The following STING1 variants were observed in gnomAD, a reference collection of about 807,000 sequenced individuals.
The protein encoded by STING1 is stimulator of interferon response cGAMP interactor 1.
In STING1, 19 loss-of-function variants were observed where a neutral mutation model predicts 31.6. The observed-to-expected ratio is 0.60, with a 90% CI of 0.42 to 0.88. The LOEUF is 0.88. Among genes scored for constraint, STING1 ranks in the 40% least tolerant of loss-of-function variants. STING1 has a pLI of 0.00. For missense variants in STING1, 371 were observed against 483.7 expected, an observed-to-expected ratio of 0.77 and a Z score of 2.19; for synonymous variants, 200 against 208.6, an observed-to-expected ratio of 0.96 and a Z score of 0.35.
chr5:139,477,062 C>T (rs1353144817), intron 7 of STING1, among the ~76,000 whole-genome samples: 1 of 152,190 alleles, frequency 6.6e-6, no homozygotes, highest in East Asian at 1.9e-4. Flanking sequence ...CCAGTACATA[C>T]TGGCCTGGGA....
rs1192578610 is a variant in STING1 at position 139,481,265 on chromosome 5, G to C, written c.305C>G (p.Ser102Cys). The change falls in exon 4 of 8, where the codon TCC becomes TGC. Residue 102 changes from serine (S) to cysteine (C), a missense_variant. By Grantham distance (112) the Ser-to-Cys change is moderately radical. Transcript: ENST00000330794. This position sits in a 1 kb window ranked among gnomAD's most constrained non-coding sequence, Gnocchi z 4.1. Reference sequence around the variant, plus strand: ...TGGGAGGGAGTAGTAGAAATAGATGGACAGCAGCAACAGGGCCCCACGGCG... The same window carrying C: ...TGGGAGGGAGTAGTAGAAATAGATGCACAGCAGCAACAGGGCCCCACGGCG... ...PLRRGALLLL[S>C]IYFYYSLPNA... The C allele has an allele frequency of 6.2e-7, 1 of 1,614,060 alleles. No individual in the cohort carries two copies. The highest frequency in any genetic ancestry group is 8.5e-7 in the Non-Finnish European group (1 of 1,179,968).
intron 5 of STING1, chr5:139,479,188 C>T (rs1751755038): frequency 6.6e-6 from 1 of 151,900 alleles, no homozygotes; most frequent in East Asian, 1.9e-4. Flanking sequence ...GAGATCTTGT[C>T]ACCACTGTAC....
Position 139,478,282 on chromosome 5 carries a change from C to A in STING1, c.747G>T (p.Glu249Asp), listed in dbSNP as rs761102285. Residue 249 changes from glutamate (E) to aspartate (D), a missense_variant, in exon 6 of 8, where the codon GAG becomes GAT. By Grantham distance (45) the Glu-to-Asp change is conservative. Coordinates refer to ENST00000330794, the MANE Select transcript of STING1 (RefSeq NM_198282.4). ...VYSNSIYELL[E>D]NGQRAGTCVL... ...CCTGCACACTTACCCGCTGCCCGTT[C>A]TCCAGAAGCTCATAGATGCTGTTGC... 1 of 1,613,326 alleles carries A rather than the reference C, an allele frequency of 6.2e-7. No homozygotes were observed. Among genetic ancestry groups the A allele is most frequent in the Non-Finnish European group, 8.5e-7 (1 of 1,179,434 alleles).
rs749761756 is a variant in STING1, at chr5:139,476,317, C to T, written c.1084G>A (p.Glu362Lys). The T allele has an allele frequency of 4.3e-6, 7 of 1,611,080 alleles. No individual in the cohort carries two copies. Among genetic ancestry groups the T allele is most frequent in the Admixed American group, 3.3e-5 (2 of 59,786 alleles). Reference sequence around the variant, plus strand: ...TTTTCCATTCCACTGATGAGGAGCTCAGGCTCTTGGGACATCGTGGAGGTA... The same window carrying T: ...TTTTCCATTCCACTGATGAGGAGCTTAGGCTCTTGGGACATCGTGGAGGTA... The part of the protein sequence containing the change: ...PSTSTMSQEP[E>K]LLISGMEKPL... The change falls in exon 8 of 8, where the codon GAG becomes AAG. Residue 362 changes from glutamate to lysine, a missense_variant. Glu to Lys is a moderately conservative substitution (Grantham distance 56, BLOSUM62 1). Transcript: ENST00000330794.
rs894230225 is a variant in STING1 at position 139,478,267 on chromosome 5, T to C, written c.759+3A>G. On this transcript the variant is annotated splice_donor_region_variant and intron_variant, in intron 6 of 7. Coordinates refer to ENST00000330794, the MANE Select transcript of STING1 (RefSeq NM_198282.4). ...AGAGACCCCCACTCCCCTGCACACTTACCCGCTGCCCGTTCTCCAGAAGCT... is the reference window on the plus strand; with the variant it reads ...AGAGACCCCCACTCCCCTGCACACTCACCCGCTGCCCGTTCTCCAGAAGCT... 18 of 1,610,592 alleles carry C rather than the reference T, an allele frequency of 1.1e-5. No homozygotes were observed. The highest frequency in any genetic ancestry group is 1.4e-5 in the Non-Finnish European group (17 of 1,177,864).
chr5:139,476,285 G>A lies in STING1; in HGVS notation c.1116C>T (p.Leu372=). Residue 372 remains leucine, a synonymous_variant, in exon 8 of 8, where the codon CTC becomes CTT. Transcript: ENST00000330794. The part of the protein sequence containing the change: ...ELLISGMEKP[L]PLRTDFS ...CTCAAGAGAAATCCGTGCGGAGAGG[G>A]AGGGGCTTTTCCATTCCACTGATGA... 2 of 1,598,772 alleles carry A rather than the reference G, an allele frequency of 1.3e-6. No homozygotes were observed. Among genetic ancestry groups the A allele is most frequent in the Non-Finnish European group, 1.7e-6 (2 of 1,173,186 alleles).
At chr5:139,477,233 T>G in intron 7 of STING1, 96 bp downstream of exon 7, 1 of 1,281,466 alleles carries the variant, frequency 7.8e-7, no homozygotes, top group Non-Finnish European at 1.1e-6. Context: ...CAGGGCATGG[T>G]GCTCCATAGC....
chr5:139,476,036 C>T lies in STING1; in HGVS notation c.*225G>A. 1.4e-5 allele frequency: 7 copies of T among 512,378 alleles called. No individual in the cohort carries two copies. Among genetic ancestry groups the T allele is most frequent in the Non-Finnish European group, 2.5e-5 (7 of 285,246 alleles). 31.7% of individuals were successfully genotyped at this position (512,378 alleles called of 1,614,324 possible). A position where few individuals can be genotyped will look rare whatever the true frequency, so the allele number is the denominator to read the frequency against. On this transcript the variant is annotated 3_prime_UTR_variant, in exon 8 of 8. Transcript: ENST00000330794. ...CACAACAACCGTGAGGGAGGTAAGG[C>T]AGTGATTATGATCCCATTTCACAGG...
chr5:139,475,959 C>T lies in STING1; in HGVS notation c.*302G>A. 3.6e-6 allele frequency: 1 copy of T among 275,436 alleles called. No homozygotes were observed. The highest frequency in any genetic ancestry group is 7.0e-6 in the Non-Finnish European group (1 of 143,866). The allele number at this position is 275,436 out of a possible 1,614,324, so 17.1% of individuals were successfully genotyped here. On this transcript the variant is annotated 3_prime_UTR_variant, in exon 8 of 8. Transcript: ENST00000330794. Reference sequence around the variant, plus strand: ...CCATGAAAGACACCTGGCACACCCCCTAAGTACACTAGCATCCAAAGTTTA... The same window carrying T: ...CCATGAAAGACACCTGGCACACCCCTTAAGTACACTAGCATCCAAAGTTTA...
chr5:139,477,655 T>C (rs1384056069), intron 6 of STING1, 140 bp from the exon 7 acceptor site: 1 of 841,570 alleles, frequency 1.2e-6, no homozygotes, highest in East Asian at 2.7e-5. Flanking sequence ...TCCTGGGAGG[T>C]GGCCACCCTA....
At chr5:139,479,944 C>T (rs1299501685) in intron 5 of STING1, among the ~76,000 whole-genome samples, 16 of 140,662 alleles carry the variant, frequency 1.1e-4, no homozygotes, top group Non-Finnish European at 2.1e-4. Context: ...GCAGAGGTCG[C>T]AGTGAGCTGA....
At chr5:139,477,657 G>T in intron 6 of STING1, 142 bp from the exon 7 acceptor site, 1 of 833,012 alleles carries the variant, frequency 1.2e-6, no homozygotes, top group East Asian at 2.7e-5. Flanking sequence ...CTGGGAGGTG[G>T]CCACCCTAAT....
intron 7 of STING1, 94 bp downstream of exon 7, chr5:139,477,235 C>A (rs1219207123): frequency 2.3e-6 from 3 of 1,304,172 alleles, no homozygotes; most frequent in Non-Finnish European, 3.2e-6. Flanking sequence ...GGGCATGGTG[C>A]TCCATAGCCC....
intron 5 of STING1, among the ~76,000 whole-genome samples, chr5:139,480,425 A>G (rs1751804499): frequency 6.6e-6 from 1 of 152,144 alleles, no homozygotes; most frequent in Non-Finnish European, 1.5e-5. Context: ...GGGTGCCTAT[A>G]ATCCCAGCTA....
At chr5:139,479,224 T>C (rs1395639850) in intron 5 of STING1, 1 of 146,406 alleles carries the variant, frequency 6.8e-6, no homozygotes, top group African/African-American at 2.6e-5. Flanking sequence ...AGAAAGAGAC[T>C]TCATCTCAAA....
chr5:139,479,848 CAAAAAA>C (rs1168023127), intron 5 of STING1, among the ~76,000 whole-genome samples: 15 of 34,914 alleles, frequency 4.3e-4, no homozygotes, highest in African/African-American at 1.6e-3. Flanking sequence ...ACTAAAAATA[CAAAAAA>C]AAAAAAAAAA....
intron 5 of STING1, among the ~76,000 whole-genome samples, chr5:139,479,568 G>A (rs1253848101): frequency 6.6e-6 from 1 of 151,202 alleles, no homozygotes; most frequent in Non-Finnish European, 1.5e-5. Flanking sequence ...CGGGCGTGGT[G>A]GCAGGCACCT....
At chr5:139,476,904 CA>C (rs33961341) in intron 7 of STING1, among the ~76,000 whole-genome samples, 104 of 118,388 alleles carry the variant, frequency 8.8e-4, no homozygotes, top group African/African-American at 2.6e-3. Flanking sequence ...GACTCCATCT[CA>C]AAAAAAAAAA....
At chr5:139,478,142 G>T in intron 6 of STING1, 128 bp downstream of exon 6, 1 of 724,500 alleles carries the variant, frequency 1.4e-6, no homozygotes, top group Non-Finnish European at 2.4e-6. Flanking sequence ...ATCCTGCCCA[G>T]ACCTGGGACC....
Sources: gnomAD v4.1 joint callset for allele counts (sites outside exome capture counted in the v4.1 genomes callset) on GRCh38, gnomAD v4.1.1 for gene constraint, Gnocchi (gnomAD v3.1) non-coding constraint, MANE v1.5 for transcripts, NCBI Gene and HGNC (gene_info 2026-07-23, HGNC 2026-07-21) for gene names.